Variants in ULK4 observed in about 807,000 individuals in gnomAD.
The protein encoded by ULK4 is unc-51 like kinase 4.
ULK4 carries 133 observed loss-of-function variants against 160.6 expected under a neutral mutation model. That is an observed-to-expected ratio of 0.83 (90% confidence interval 0.72 to 0.96). The LOEUF (loss-of-function observed/expected upper bound fraction) is 0.96, where lower values mean the gene tolerates loss of function less well. ULK4 is among the 40% of genes least tolerant of loss of function. The probability of loss-of-function intolerance (pLI) is 0.00; values close to 1 mark genes in which losing one functional copy is unlikely to be tolerated. For synonymous variants in ULK4, 534 were observed against 539.8 expected, an observed-to-expected ratio of 0.99 and a Z score of 0.15; for missense variants, 1,580 against 1,499.5, an observed-to-expected ratio of 1.05 and a Z score of -0.89.
chr3:41,405,633 C>T (rs553169619), intron 34 of ULK4, among the ~76,000 whole-genome samples: 6 of 152,258 alleles, frequency 3.9e-5, no homozygotes, highest in African/African-American at 1.2e-4. Flanking sequence ...TCACCAGCGT[C>T]TGTTTTTTGA....
intron 31 of ULK4, among the ~76,000 whole-genome samples, chr3:41,571,925 G>T (rs949063113): frequency 2.0e-5 from 3 of 152,188 alleles, no homozygotes; most frequent in Admixed American, 1.3e-4. Flanking sequence ...ACAGGGTCAG[G>T]GGCCCAGTTA....
At chr3:41,367,101 T>C (rs2081268218) in intron 35 of ULK4, among the ~76,000 whole-genome samples, 1 of 152,230 alleles carries the variant, frequency 6.6e-6, no homozygotes, top group Non-Finnish European at 1.5e-5. Context: ...ATTATCTTTG[T>C]TTTTTCCATG....
At chr3:41,860,131 AC>A (rs1011408788) in intron 17 of ULK4, among the ~76,000 whole-genome samples, 71 of 152,140 alleles carry the variant, frequency 4.7e-4, no homozygotes, top group African/African-American at 1.7e-3. Flanking sequence ...ATTTTTTAAG[AC>A]TTGTTTTGTG....
intron 32 of ULK4, among the ~76,000 whole-genome samples, chr3:41,513,496 G>T (rs892304418): frequency 2.0e-5 from 3 of 152,214 alleles, no homozygotes. Context: ...ATCTGGGCGT[G>T]GTGGCGCATG....
chr3:41,268,199 G>A (rs866422153), intron 35 of ULK4, among the ~76,000 whole-genome samples: 9 of 152,112 alleles, frequency 5.9e-5, no homozygotes, highest in African/African-American at 1.4e-4. Context: ...CAATAGTGCC[G>A]AGGTTGAGAA....
intron 32 of ULK4, among the ~76,000 whole-genome samples, chr3:41,562,250 C>T (rs7649874): frequency 0.9 from 136,642 of 152,246 alleles, 61,885 homozygotes; most frequent in Middle Eastern, 0.97. Flanking sequence ...TTCTGTTCTT[C>T]TACATTTGCT....
intron 33 of ULK4, among the ~76,000 whole-genome samples, chr3:41,459,186 G>A (rs140660107): frequency 0.019 from 2,846 of 152,058 alleles, 34 homozygotes; most frequent in Middle Eastern, 0.048. Flanking sequence ...CGAGTAGCTA[G>A]GACTACAGGT....
chr3:41,551,526 T>A (rs548179615), intron 32 of ULK4, among the ~76,000 whole-genome samples: 1 of 151,288 alleles, frequency 6.6e-6, no homozygotes, highest in Non-Finnish European at 1.5e-5. Context: ...CTAGAGAAAA[T>A]AGACAAATTC....
At position 41,635,863 on chromosome 3, in the gene ULK4, T is replaced by C. The variant is rs372716654; in HGVS notation, c.3072-20146A>G. The stretch of plus-strand genomic sequence containing the variant: ...GGTGGGATAAAAAGTTCAAATTCTA[T>C]TGGGTTTTTAAAAATATATGAAAAA... On this transcript the variant is annotated intron_variant, in intron 30 of 36. Transcript: ENST00000301831. Among the ~76,000 whole-genome samples the C allele has an allele frequency of 2.4e-4, 36 of 152,350 alleles. No homozygotes were observed. The East Asian group carries it at 4.0e-3, about 17-fold the overall frequency.
At chr3:41,311,208 T>G (rs192096574) in intron 35 of ULK4, among the ~76,000 whole-genome samples, 5 of 152,158 alleles carry the variant, frequency 3.3e-5, no homozygotes, top group Admixed American at 6.5e-5. Flanking sequence ...GAGTGTCAAC[T>G]TGATTGGATT....
At chr3:41,818,549 A>T (rs564655366) in intron 19 of ULK4, among the ~76,000 whole-genome samples, 1 of 152,336 alleles carries the variant, frequency 6.6e-6, no homozygotes, top group Admixed American at 6.5e-5. Context: ...GATAATATAC[A>T]TCATATCCCA....
intron 35 of ULK4, among the ~76,000 whole-genome samples, chr3:41,255,386 G>C (rs1269418901): frequency 1.3e-5 from 2 of 152,182 alleles, no homozygotes; most frequent in African/African-American, 4.8e-5. Flanking sequence ...GGGAGGCCGA[G>C]GCAGGAGAAT....
At chr3:41,834,655 T>G (rs1374342476) in intron 18 of ULK4, among the ~76,000 whole-genome samples, 1 of 152,224 alleles carries the variant, frequency 6.6e-6, no homozygotes, top group Admixed American at 6.5e-5. Context: ...GTAACTGCCT[T>G]AAAATGATGA....
chr3:41,378,241 G>A (rs1263551174), intron 35 of ULK4, among the ~76,000 whole-genome samples: 1 of 119,110 alleles, frequency 8.4e-6, no homozygotes, highest in African/African-American at 3.2e-5. Flanking sequence ...GGGGGAGGGG[G>A]GAGGGATAGC....
At chr3:41,754,590 A>G (rs2038735885) in intron 21 of ULK4, 102 bp from the exon 22 acceptor site, 1 of 1,087,196 alleles carries the variant, frequency 9.2e-7, no homozygotes, top group African/African-American at 1.6e-5. Flanking sequence ...GATGGCAGGA[A>G]GTAAAATAAT....
intron 32 of ULK4, among the ~76,000 whole-genome samples, chr3:41,516,839 T>C (rs1167760298): frequency 6.6e-6 from 1 of 152,200 alleles, no homozygotes; most frequent in Non-Finnish European, 1.5e-5. Context: ...TTGGTTTGTT[T>C]GTAACTGAAA....
At chr3:41,923,336 T>C (rs1435227565) in intron 5 of ULK4, among the ~76,000 whole-genome samples, 2 of 151,848 alleles carry the variant, frequency 1.3e-5, no homozygotes, top group African/African-American at 4.8e-5. Flanking sequence ...CCATCTCTAC[T>C]AAAAATACAA....
intron 31 of ULK4, among the ~76,000 whole-genome samples, chr3:41,609,057 T>G (rs1167286494): frequency 6.6e-6 from 1 of 152,192 alleles, no homozygotes; most frequent in Non-Finnish European, 1.5e-5. Context: ...AAACTCAAGA[T>G]GCTACTGGCT....
chr3:41,954,713 G>A lies in ULK4; in HGVS notation c.47C>T (p.Thr16Ile). 1 of 1,613,844 alleles carries A rather than the reference G, an allele frequency of 6.2e-7. No homozygotes were observed. The highest frequency in any genetic ancestry group is 8.5e-7 in the Non-Finnish European group (1 of 1,179,890). Residue 16 changes from threonine to isoleucine, a missense_variant, in exon 2 of 37, where the codon ACT (threonine) becomes ATT (isoleucine). Coordinates refer to ENST00000301831, the MANE Select transcript of ULK4 (RefSeq NM_017886.4). ...CTTCCGTCGCCCTTTATAGACAACA[G>A]TCTTGCTTCCTCTTCCGATCTCCTC... Reference protein sequence around the residue: ...LYEEIGRGSKTVVYKGRRKGT... With the variant: ...LYEEIGRGSKIVVYKGRRKGT...
Sources: gnomAD v4.1 joint callset for allele counts (sites outside exome capture counted in the v4.1 genomes callset) on GRCh38, gnomAD v4.1.1 for gene constraint, MANE v1.5 for transcripts, NCBI Gene and HGNC (gene_info 2026-07-23, HGNC 2026-07-21) for gene names.